Variants in TTC27 observed in about 807,000 individuals in gnomAD.
TTC27 encodes tetratricopeptide repeat protein 27.
Under a neutral mutation model 115.9 loss-of-function variants are expected in TTC27, and 79 were observed. The ratio of observed to expected loss-of-function variants is 0.68; its 90% confidence interval spans 0.57 to 0.82. The LOEUF is 0.82. TTC27 is among the 40% of genes least tolerant of loss of function. The probability of loss-of-function intolerance (pLI) is 0.00; values close to 1 mark genes in which losing one functional copy is unlikely to be tolerated. For synonymous variants in TTC27, 401 were observed against 356.0 expected, an observed-to-expected ratio of 1.13 and a Z score of -1.42; for missense variants, 1,054 against 993.1, an observed-to-expected ratio of 1.06 and a Z score of -0.82.
At chr2:32,690,513 T>C (rs746193467) in intron 9 of TTC27, among the ~76,000 whole-genome samples, 3 of 152,158 alleles carry the variant, frequency 2.0e-5, no homozygotes, top group Non-Finnish European at 4.4e-5. Flanking sequence ...AAGACAATAT[T>C]TAGGACTGAG....
chr2:32,727,255 G>C (rs1437867071), intron 10 of TTC27, among the ~76,000 whole-genome samples: 1 of 152,170 alleles, frequency 6.6e-6, no homozygotes, highest in Non-Finnish European at 1.5e-5. Flanking sequence ...AATGCATGTA[G>C]TTTTAAATTT....
chr2:32,710,647 T>C (rs952653069), intron 10 of TTC27, among the ~76,000 whole-genome samples: 5 of 150,816 alleles, frequency 3.3e-5, no homozygotes, highest in African/African-American at 1.2e-4. Context: ...CAGGCTGGTG[T>C]TGAACTCCTG....
At chr2:32,770,289 T>C (rs1252932340) in intron 13 of TTC27, among the ~76,000 whole-genome samples, 3 of 152,236 alleles carry the variant, frequency 2.0e-5, no homozygotes, top group Non-Finnish European at 4.4e-5. Context: ...TTATTGTTTT[T>C]ACCCTACTTT....
At chr2:32,716,693 G>T (rs1318678865) in intron 10 of TTC27, among the ~76,000 whole-genome samples, 1 of 148,836 alleles carries the variant, frequency 6.7e-6, no homozygotes, top group African/African-American at 2.5e-5. Flanking sequence ...TGTTCTATAT[G>T]TTTTTTTTTT....
intron 2 of TTC27, among the ~76,000 whole-genome samples, chr2:32,631,185 C>T (rs1172985732): frequency 6.6e-6 from 1 of 152,156 alleles, no homozygotes; most frequent in African/African-American, 2.4e-5. Context: ...CGCCTGTAAT[C>T]CCAGCTGCTA....
chr2:32,663,915 C>A (rs533192187), intron 5 of TTC27, among the ~76,000 whole-genome samples: 24 of 151,822 alleles, frequency 1.6e-4, no homozygotes, highest in Non-Finnish European at 1.0e-4. Flanking sequence ...GAACTCCTGA[C>A]CTTGTGATCC....
intron 12 of TTC27, among the ~76,000 whole-genome samples, chr2:32,746,305 TAATCCC>T (rs1023500830): frequency 3.9e-5 from 6 of 151,902 alleles, no homozygotes; most frequent in African/African-American, 1.2e-4. Context: ...CTCACGCCGG[TAATCCC>T]AACACTTTGA....
intron 10 of TTC27, among the ~76,000 whole-genome samples, chr2:32,729,105 C>T (rs551627887): frequency 1.6e-4 from 25 of 152,268 alleles, no homozygotes; most frequent in Non-Finnish European, 2.4e-4. Flanking sequence ...TAATTTCTAC[C>T]TGACCCTTCA....
At chr2:32,704,261 G>A (rs1269305288) in intron 10 of TTC27, among the ~76,000 whole-genome samples, 3 of 151,856 alleles carry the variant, frequency 2.0e-5, no homozygotes, top group Non-Finnish European at 4.4e-5. Flanking sequence ...ATCTGGGCTC[G>A]CTGCAACCTC....
chr2:32,820,479 A>G (rs1238283047), intron 19 of TTC27, among the ~76,000 whole-genome samples: 1 of 152,266 alleles, frequency 6.6e-6, no homozygotes, highest in Non-Finnish European at 1.5e-5. Context: ...TTTTGCCTGC[A>G]TACACAATAA....
intron 13 of TTC27, among the ~76,000 whole-genome samples, chr2:32,772,757 G>T (rs1422852646): frequency 6.6e-6 from 1 of 152,140 alleles, no homozygotes; most frequent in Non-Finnish European, 1.5e-5. Context: ...ATAAGTTGAA[G>T]TGCTTCTATA....
intron 9 of TTC27, among the ~76,000 whole-genome samples, chr2:32,682,841 A>ATTTTTTTTTTTTTTTTTT (rs1559204114): frequency 2.2e-4 from 17 of 77,504 alleles, no homozygotes; most frequent in East Asian, 3.9e-4. Flanking sequence ...GATAATTTTT[A>ATTTTTTTTTTTTTTTTTT]TTGTTGTTTT....
chr2:32,676,051 C>T (rs1265205481), intron 8 of TTC27, among the ~76,000 whole-genome samples: 1 of 152,068 alleles, frequency 6.6e-6, no homozygotes, highest in Non-Finnish European at 1.5e-5. Flanking sequence ...CTCAGCCTCC[C>T]AAAGTGCTGG....
chr2:32,651,317 G>T (rs1018855772), intron 5 of TTC27, among the ~76,000 whole-genome samples: 13 of 152,118 alleles, frequency 8.5e-5, no homozygotes, highest in African/African-American at 2.9e-4. Flanking sequence ...TATAATATAA[G>T]GGGCTCTTGT....
intron 17 of TTC27, among the ~76,000 whole-genome samples, chr2:32,811,598 T>A (rs1671319488): frequency 6.6e-6 from 1 of 152,088 alleles, no homozygotes; most frequent in Non-Finnish European, 1.5e-5. Flanking sequence ...AGTATTTAGA[T>A]CTGAGATGGG....
rs549880665 is a variant in TTC27 at position 32,773,030 on chromosome 2, A to G, written c.1681-4852A>G. Among the ~76,000 whole-genome samples the G allele has an allele frequency of 4.7e-4, 72 of 152,348 alleles. 1 individual carries two copies. The highest frequency in any genetic ancestry group is 1.7e-3 in the South Asian group (8 of 4,828). On this transcript the variant is annotated intron_variant, in intron 13 of 19. Coordinates refer to ENST00000317907, the MANE Select transcript of TTC27 (RefSeq NM_017735.5). ...CACTCTAGGGGACTTTGTGAGGGAA[A>G]TTCAAAGAAACCATGCTCTCAACCT...
intron 9 of TTC27, among the ~76,000 whole-genome samples, chr2:32,694,454 C>T (rs115461404): frequency 0.042 from 6,330 of 152,018 alleles, 173 homozygotes; most frequent in Admixed American, 0.062. Flanking sequence ...CCTGTAATCC[C>T]GGCACTTTGG....
chr2:32,758,342 A>G lies in TTC27; in HGVS notation c.1503A>G (p.Leu501=). The change falls in exon 13 of 20, where the codon TTA becomes TTG. Residue 501 remains leucine, a synonymous_variant. Transcript: ENST00000317907. ...QELEKKETPS[L]YCLLGDVLGD... Reference sequence around the variant, plus strand: ...TGGAGAAAAAAGAAACGCCTAGTTTATACTGCTTGCTTGGAGATGTCCTCG... The same window carrying G: ...TGGAGAAAAAAGAAACGCCTAGTTTGTACTGCTTGCTTGGAGATGTCCTCG... The G allele has an allele frequency of 6.2e-7, 1 of 1,614,240 alleles. No individual in the cohort carries two copies. Among genetic ancestry groups the G allele is most frequent in the Non-Finnish European group, 8.5e-7 (1 of 1,180,040 alleles).
At chr2:32,748,519 T>G (rs978696515) in intron 12 of TTC27, among the ~76,000 whole-genome samples, 1 of 152,214 alleles carries the variant, frequency 6.6e-6, no homozygotes, top group African/African-American at 2.4e-5. Context: ...AAGTTAGGTA[T>G]TGACATCTCC....
Sources: gnomAD v4.1 joint callset for allele counts (sites outside exome capture counted in the v4.1 genomes callset) on GRCh38, gnomAD v4.1.1 for gene constraint, MANE v1.5 for transcripts, NCBI Gene and HGNC (gene_info 2026-07-23, HGNC 2026-07-21) for gene names.